Variants in MESD observed in about 807,000 individuals in gnomAD.
MESD encodes mesoderm development LRP chaperone, also known as LRP chaperone MESD.
A neutral mutation model predicts 12.9 loss-of-function variants in MESD; 7 were observed. The ratio of observed to expected loss-of-function variants is 0.54; its 90% confidence interval spans 0.31 to 1.02. The LOEUF (loss-of-function observed/expected upper bound fraction) is 1.02. Among genes scored for constraint, MESD ranks in the 50% least tolerant of loss-of-function variants. MESD has a pLI of 0.05. For synonymous variants in MESD, 126 were observed against 115.6 expected (o/e 1.09, Z -0.58); for missense variants, 342 against 296.7 (o/e 1.15, Z -1.12).
downstream of MESD, among the ~76,000 whole-genome samples, chr15:80,972,636 G>T (rs1207119225): frequency 6.6e-6 from 1 of 152,220 alleles, no homozygotes; most frequent in Non-Finnish European, 1.5e-5. Flanking sequence ...TTCACTACAT[G>T]AATCTGTTAA....
chr15:80,949,397 C>T, intron 4 of MESD: 1 of 246,624 alleles, frequency 4.1e-6, no homozygotes, highest in South Asian at 5.5e-5. Flanking sequence ...AATCTTTACT[C>T]CTGTAAGCAA....
intron 2 of MESD, 130 bp from the exon 3 acceptor site, chr15:80,979,607 C>A: frequency 9.5e-7 from 1 of 1,053,338 alleles, no homozygotes; most frequent in Non-Finnish European, 1.3e-6. Context: ...TTGGATTTTC[C>A]AAAGCCTAGC....
chr15:80,959,454 T>G (rs1902047134), intron 3 of MESD, among the ~76,000 whole-genome samples: 1 of 152,154 alleles, frequency 6.6e-6, no homozygotes, highest in African/African-American at 2.4e-5. Context: ...GGCTGCCTGC[T>G]TAGCTGAAGG....
chr15:80,989,407 G>T (rs1893232443), intron 1 of MESD, among the ~76,000 whole-genome samples, 172 bp downstream of exon 1: 1 of 152,188 alleles, frequency 6.6e-6, no homozygotes, highest in African/African-American at 2.4e-5. Context: ...GGGCGCGCGG[G>T]TCAGAGGAGG....
At chr15:80,973,959 A>C (rs2141802707), downstream of MESD, among the ~76,000 whole-genome samples, 1 of 152,164 alleles carries the variant, frequency 6.6e-6, no homozygotes, top group Admixed American at 6.5e-5. Flanking sequence ...TGAAGCAAAG[A>C]ACATCCCAGC....
intron 1 of MESD, 93 bp downstream of exon 1, chr15:80,989,486 G>A (rs1893235684): frequency 1.4e-6 from 2 of 1,400,052 alleles, no homozygotes; most frequent in Middle Eastern, 1.9e-4. Flanking sequence ...AGGTTAGGGG[G>A]TCAGAAAGGT....
chr15:80,953,726 G>C (rs569712880), intron 3 of MESD, among the ~76,000 whole-genome samples: 5 of 152,206 alleles, frequency 3.3e-5, no homozygotes, highest in African/African-American at 9.6e-5. Context: ...CTGGAGGAAA[G>C]GGGGTGGGGT....
chr15:80,987,471 A>G (rs891870622), intron 1 of MESD, among the ~76,000 whole-genome samples: 22 of 151,446 alleles, frequency 1.5e-4, no homozygotes, highest in Non-Finnish European at 2.6e-4. Context: ...GTGAGGGGTA[A>G]AGCTGAGTTC....
intron 1 of MESD, among the ~76,000 whole-genome samples, chr15:80,985,746 G>T (rs1412100581): frequency 2.7e-5 from 4 of 148,052 alleles, no homozygotes; most frequent in Non-Finnish European, 5.9e-5. Context: ...CTGCCTGCCA[G>T]GCTCAAGTGA....
intron 3 of MESD, among the ~76,000 whole-genome samples, chr15:80,962,884 G>A (rs1451924051): frequency 6.6e-6 from 1 of 152,054 alleles, no homozygotes; most frequent in East Asian, 1.9e-4. Flanking sequence ...AAAGAAAGCA[G>A]GAAAGATCTA....
At chr15:80,952,181 C>A (rs571401011) in exon 4 of MESD, 2 of 456,206 alleles carry the variant, frequency 4.4e-6, no homozygotes, top group Non-Finnish European at 8.8e-6. Flanking sequence ...AGGCCAAACA[C>A]GTTTGACAAG....
chr15:80,959,238 G>A (rs938145544), intron 3 of MESD, among the ~76,000 whole-genome samples: 13 of 152,256 alleles, frequency 8.5e-5, no homozygotes, highest in African/African-American at 3.1e-4. Flanking sequence ...GGTAGAGGTT[G>A]AAGGTGCCTC....
At chr15:80,950,857 C>T (rs1175649663) in intron 4 of MESD, 2 of 152,764 alleles carry the variant, frequency 1.3e-5, no homozygotes, top group African/African-American at 4.8e-5. Flanking sequence ...ATCCCCTTTC[C>T]TGCCCCAACC....
exon 4 of MESD, chr15:80,952,241 G>T (rs910229263): frequency 4.4e-6 from 2 of 456,118 alleles, no homozygotes; most frequent in Non-Finnish European, 8.8e-6. Context: ...ACTGGCAGAC[G>T]AGAGGCAGGC....
chr15:80,948,980 G>A, intron 4 of MESD: 1 of 1,610,490 alleles, frequency 6.2e-7, no homozygotes, highest in East Asian at 2.2e-5. Context: ...ACTCTTGGCA[G>A]CAGACCAGTG....
intron 3 of MESD, among the ~76,000 whole-genome samples, chr15:80,969,142 A>G (rs1289168516): frequency 1.3e-5 from 2 of 152,228 alleles, no homozygotes; most frequent in African/African-American, 2.4e-5. Flanking sequence ...GTGAGCTGCC[A>G]TCGTGCCAGT....
intron 1 of MESD, among the ~76,000 whole-genome samples, chr15:80,985,889 G>A (rs1013716501): frequency 2.0e-5 from 3 of 151,960 alleles, no homozygotes; most frequent in Admixed American, 6.6e-5. Context: ...TCCTGAGCTC[G>A]AAGGATTCAC....
chr15:80,985,515 A>G (rs769784153), intron 1 of MESD, among the ~76,000 whole-genome samples: 1 of 152,148 alleles, frequency 6.6e-6, no homozygotes, highest in Non-Finnish European at 1.5e-5. Flanking sequence ...ATTCTCCATA[A>G]CATCGGTTAT....
chr15:80,973,988 G>A (rs892695803), downstream of MESD, among the ~76,000 whole-genome samples: 5 of 152,050 alleles, frequency 3.3e-5, no homozygotes, highest in Admixed American at 3.3e-4. Flanking sequence ...TCCTGAGGAA[G>A]GGACTCTCTG....
Sources: gnomAD v4.1 joint callset for allele counts (sites outside exome capture counted in the v4.1 genomes callset) on GRCh38, gnomAD v4.1.1 for gene constraint, MANE v1.5 for transcripts, NCBI Gene and HGNC (gene_info 2026-07-23, HGNC 2026-07-21) for gene names.